The following FRMPD2 variants were observed in gnomAD, a reference collection of about 807,000 sequenced individuals.
The protein encoded by FRMPD2 is FERM and PDZ domain-containing protein 2.
Under a neutral mutation model 140.1 loss-of-function variants are expected in FRMPD2, and 96 were observed. That is an observed-to-expected ratio of 0.69 (90% CI 0.58 to 0.81). The LOEUF is 0.81. Ranked by LOEUF, FRMPD2 falls within the 40% of genes least tolerant of loss-of-function variation. FRMPD2 has a pLI of 0.00. For missense variants in FRMPD2, 1,240 were observed against 1,447.4 expected, an observed-to-expected ratio of 0.86 and a Z score of 2.32; for synonymous variants, 449 against 547.6, an observed-to-expected ratio of 0.82 and a Z score of 2.52.
intron 25 of FRMPD2, among the ~76,000 whole-genome samples, chr10:48,171,535 C>G (rs1554791687): frequency 6.6e-6 from 1 of 152,290 alleles, no homozygotes; most frequent in Non-Finnish European, 1.5e-5. Context: ...AATCGTACAT[C>G]TAATTTAATC....
At chr10:48,216,256 A>T (rs545496026) in intron 12 of FRMPD2, among the ~76,000 whole-genome samples, 1 of 152,180 alleles carries the variant, frequency 6.6e-6, no homozygotes, top group African/African-American at 2.4e-5. Context: ...GATAATAGAC[A>T]GATACATAGG....
At chr10:48,253,066 C>A (rs1156859048) in intron 1 of FRMPD2, among the ~76,000 whole-genome samples, 2 of 152,080 alleles carry the variant, frequency 1.3e-5, no homozygotes, top group African/African-American at 2.4e-5. Flanking sequence ...GATTCTTATA[C>A]AAAAAATCTC....
chr10:48,213,058 T>TGGGAG (rs1839368490), intron 12 of FRMPD2, among the ~76,000 whole-genome samples: 1 of 152,132 alleles, frequency 6.6e-6, no homozygotes. Flanking sequence ...AAGTGGGAGC[T>TGGGAG]GGGAGAATCT....
At chr10:48,272,534 T>C (rs1316130249) in intron 1 of FRMPD2, among the ~76,000 whole-genome samples, 3 of 152,256 alleles carry the variant, frequency 2.0e-5, no homozygotes, top group Admixed American at 1.3e-4. Context: ...TGTGTAATGG[T>C]GTGCTGGTGC....
chr10:48,274,491 C>T lies in FRMPD2; in HGVS notation c.25+52G>A. The T allele has an allele frequency of 2.6e-6, 4 of 1,566,816 alleles. No individual in the cohort carries two copies. In the South Asian group the frequency reaches 3.3e-5, roughly 13 times the overall value. On this transcript the variant is annotated intron_variant, in intron 1 of 28. Transcript: ENST00000374201. ...ATACCTAGACCCAGTAAGAAGTTTG[C>T]CCTTTCCCTGACCAGATTTATAGGA...
chr10:48,246,159 T>TA (rs74327772), intron 3 of FRMPD2, among the ~76,000 whole-genome samples: 43,944 of 152,090 alleles, frequency 0.29, 9,564 homozygotes, highest in African/African-American at 0.61. Context: ...TCTTTCTCAT[T>TA]ACCCAACAAG....
chr10:48,233,089 A>G (rs2131927718), intron 9 of FRMPD2, among the ~76,000 whole-genome samples: 1 of 152,274 alleles, frequency 6.6e-6, no homozygotes, highest in East Asian at 1.9e-4. Context: ...CATGTCCCAA[A>G]GCCCAGCCTG....
chr10:48,189,334 G>T (rs556921357), intron 16 of FRMPD2, among the ~76,000 whole-genome samples: 6 of 152,306 alleles, frequency 3.9e-5, no homozygotes, highest in African/African-American at 1.4e-4. Flanking sequence ...GTGGCGAAAG[G>T]CTTCAGAAAA....
At position 48,223,107 on chromosome 10, in the gene FRMPD2, G is replaced by A; in HGVS notation, c.1316+16C>T. Reference sequence around the variant, plus strand: ...AAATCCCTTAAGGAACAAATGAACAGGTTTGCAGCACTCACTGGAGCAGCC... The same window carrying A: ...AAATCCCTTAAGGAACAAATGAACAAGTTTGCAGCACTCACTGGAGCAGCC... On this transcript the variant is annotated intron_variant, in intron 11 of 28. Coordinates refer to ENST00000374201, the MANE Select transcript of FRMPD2 (RefSeq NM_001018071.4). 6.2e-7 allele frequency: 1 copy of A among 1,607,440 alleles called. No homozygotes were observed. The highest frequency in any genetic ancestry group is 8.5e-7 in the Non-Finnish European group (1 of 1,175,432).
At chr10:48,269,954 T>C (rs1840739066) in intron 1 of FRMPD2, among the ~76,000 whole-genome samples, 1 of 152,156 alleles carries the variant, frequency 6.6e-6, no homozygotes, top group Admixed American at 6.5e-5. Context: ...CCTCAGGCCC[T>C]GAGTCAGGAA....
intron 23 of FRMPD2, 110 bp downstream of exon 23, chr10:48,175,736 A>C: frequency 1.5e-6 from 1 of 671,678 alleles, no homozygotes. Flanking sequence ...CATTTGCATG[A>C]GTTTTCAGAA....
At chr10:48,248,780 C>G (rs1318691453) in intron 3 of FRMPD2, 1 of 347,540 alleles carries the variant, frequency 2.9e-6, no homozygotes, top group African/African-American at 2.1e-5. Flanking sequence ...ATCAATTAAG[C>G]CACATTAACC....
intron 17 of FRMPD2, among the ~76,000 whole-genome samples, chr10:48,186,167 C>A (rs1838679970): frequency 6.6e-6 from 1 of 152,178 alleles, no homozygotes; most frequent in African/African-American, 2.4e-5. Flanking sequence ...CAGGCAGAGC[C>A]CTGAAGCTGT....
chr10:48,185,359 T>C (rs1185484272), intron 18 of FRMPD2, among the ~76,000 whole-genome samples, 194 bp downstream of exon 18: 1 of 151,884 alleles, frequency 6.6e-6, no homozygotes, highest in Non-Finnish European at 1.5e-5. Context: ...AAAGAAAAAC[T>C]TGGAAACAAA....
chr10:48,234,713 AC>A (rs1010539933), intron 9 of FRMPD2, among the ~76,000 whole-genome samples: 3 of 151,978 alleles, frequency 2.0e-5, no homozygotes, highest in Non-Finnish European at 4.4e-5. Context: ...TCACCCTCAT[AC>A]CCTTCTTGCA....
intron 10 of FRMPD2, among the ~76,000 whole-genome samples, chr10:48,230,241 TA>T (rs1839820345): frequency 6.6e-6 from 1 of 152,332 alleles, no homozygotes; most frequent in Non-Finnish European, 1.5e-5. Context: ...ACCAGAATTC[TA>T]AAACTATCCA....
At chr10:48,189,651 A>G (rs1838782889) in intron 16 of FRMPD2, among the ~76,000 whole-genome samples, 1 of 152,240 alleles carries the variant, frequency 6.6e-6, no homozygotes, top group Non-Finnish European at 1.5e-5. Context: ...CACCTGGCCC[A>G]GGGCTGGCAC....
At chr10:48,174,620 A>G (rs1838357085) in intron 24 of FRMPD2, among the ~76,000 whole-genome samples, 1 of 150,910 alleles carries the variant, frequency 6.6e-6, no homozygotes, top group Non-Finnish European at 1.5e-5. Flanking sequence ...GCAAGCCACC[A>G]GTAAGTTTCT....
intron 20 of FRMPD2, 41 bp downstream of exon 20, chr10:48,184,525 A>AGG: frequency 8.1e-7 from 1 of 1,228,830 alleles, no homozygotes; most frequent in Non-Finnish European, 1.2e-6. Flanking sequence ...TCCTGAAAAC[A>AGG]GGGGAGCCTC....
Sources: gnomAD v4.1 joint callset for allele counts (sites outside exome capture counted in the v4.1 genomes callset) on GRCh38, gnomAD v4.1.1 for gene constraint, MANE v1.5 for transcripts, NCBI Gene and HGNC (gene_info 2026-07-23, HGNC 2026-07-21) for gene names.